PPT1: variants seen among roughly 807,000 people sequenced by gnomAD.
PPT1 encodes the protein palmitoyl-protein thioesterase 1, also known as ceroid-palmitoyl-palmitoyl-protein thioesterase 1.
In PPT1, 24 loss-of-function variants were observed where a neutral mutation model predicts 44.0. The observed-to-expected ratio is 0.54, with a 90% CI of 0.39 to 0.77. PPT1 has a LOEUF of 0.77. Among genes scored for constraint, PPT1 ranks in the 30% least tolerant of loss-of-function variants. The pLI is 0.00. For synonymous variants in PPT1, 148 were observed against 140.2 expected (o/e 1.06, Z -0.39); for missense variants, 341 against 378.8 (o/e 0.90, Z 0.83).
At chr1:40,076,604 T>C in intron 8 of PPT1, 1 of 1,346,558 alleles carries the variant, frequency 7.4e-7, no homozygotes, top group Non-Finnish European at 9.6e-7. Context: ...TCTTGTTGTT[T>C]GGAAACCATA....
intron 2 of PPT1, 65 bp downstream of exon 2, chr1:40,092,329 GCATT>G: frequency 6.5e-7 from 1 of 1,529,858 alleles, no homozygotes; most frequent in Non-Finnish European, 9.1e-7. Flanking sequence ...ACAAGGCAAA[GCATT>G]TTAACAGTAT....
chr1:40,073,761 G>T lies in PPT1; in HGVS notation c.*300C>A. 2.5e-6 allele frequency: 1 copy of T among 392,698 alleles called. No individual in the cohort carries two copies. The highest frequency in any genetic ancestry group is 4.8e-6 in the Non-Finnish European group (1 of 208,620). The allele number at this position is 392,698 out of a possible 1,614,324, so 24.3% of individuals were successfully genotyped here. ...TTAGTTAGTTGTCTCCTTTGGGCCT[G>T]GGCACAGTTCTGGCACTGATCTGGA... On this transcript the variant is annotated 3_prime_UTR_variant, in exon 9 of 9. Coordinates refer to ENST00000642050, the MANE Select transcript of PPT1 (RefSeq NM_000310.4).
At chr1:40,078,886 GTT>G in intron 6 of PPT1, 1 of 506,736 alleles carries the variant, frequency 2.0e-6, no homozygotes, top group Non-Finnish European at 3.8e-6. Flanking sequence ...TACATGTGTA[GTT>G]TTGTTATAAG....
chr1:40,078,926 G>A lies in PPT1; in HGVS notation c.628-268C>T, dbSNP rs1001766072. The A allele has an allele frequency of 2.6e-5, 11 of 430,106 alleles. No individual in the cohort carries two copies. In the Admixed American group the frequency reaches 2.9e-4, roughly 11 times the overall value. 26.6% of individuals were successfully genotyped at this position (430,106 alleles called of 1,614,324 possible). On this transcript the variant is annotated intron_variant, in intron 6 of 8. Transcript: ENST00000642050. ...TATATTGTGTGATGCTGAGGTTTGG[G>A]GTTCTGTTGATCCTTTCACCCAGAT... is the stretch of plus-strand genomic sequence containing the variant.
At chr1:40,078,691 T>C in intron 6 of PPT1, 33 bp from the exon 7 acceptor site, 2 of 1,548,642 alleles carry the variant, frequency 1.3e-6, no homozygotes, top group South Asian at 2.2e-5. Flanking sequence ...CTAAGGTCAT[T>C]ACCATCAGAC....
chr1:40,093,540 G>C (rs1371902759), intron 1 of PPT1, among the ~76,000 whole-genome samples: 1 of 152,102 alleles, frequency 6.6e-6, no homozygotes, highest in African/African-American at 2.4e-5. Context: ...AAAAACAGAA[G>C]AAAGAACATT....
intron 7 of PPT1, 62 bp downstream of exon 7, chr1:40,078,498 G>A (rs1468177829): frequency 3.0e-5 from 46 of 1,519,102 alleles, no homozygotes; most frequent in Non-Finnish European, 2.8e-5. Flanking sequence ...CACCGTGCCC[G>A]GCCAGCAGCC....
At position 40,087,366 on chromosome 1, in the gene PPT1, C is replaced by T. The variant is rs553932269; in HGVS notation, c.536+2044G>A. ...CAAGCAATTCTCTAGCCTCAGCCTC[C>T]GGAGTGGCTGAGACTACAGGTGTGC... On this transcript the variant is annotated intron_variant, in intron 5 of 8. Coordinates refer to ENST00000642050, the MANE Select transcript of PPT1 (RefSeq NM_000310.4). Among the ~76,000 whole-genome samples the T allele has an allele frequency of 6.3e-4, 96 of 152,060 alleles. 1 individual carries two copies. Among genetic ancestry groups the T allele is most frequent in the Non-Finnish European group, 1.2e-3 (80 of 68,008 alleles).
In PPT1 at chr1:40,097,212, G is replaced by A. The variant is rs765173260; in HGVS notation, c.27C>T (p.Leu9=). MASPGCLW[L]LAVALLPWTC... ...TCCATGGCAGGAGAGCCACAGCCAA[G>A]AGCCACAGGCAGCCGGGCGACGCCA... Residue 9 remains leucine (L), a synonymous_variant, in exon 1 of 9, where the codon CTC becomes CTT. Coordinates refer to ENST00000642050, the MANE Select transcript of PPT1 (RefSeq NM_000310.4). 1.1e-5 allele frequency: 17 copies of A among 1,614,026 alleles called. No individual in the cohort carries two copies. The highest frequency in any genetic ancestry group is 1.4e-5 in the Non-Finnish European group (17 of 1,179,930).
Position 40,080,393 on chromosome 1 carries a change from T to C in PPT1, c.627+4A>G, listed in dbSNP as rs572153728. 1,261 of 1,613,664 alleles carry C rather than the reference T, an allele frequency of 7.8e-4. 13 individuals are homozygous for C. The South Asian group carries it at 0.013, about 17-fold the overall frequency. The stretch of plus-strand genomic sequence containing the variant: ...ATCTATGGGAGCCCGGTTTGGGTGC[T>C]TACCCGCTCCTGATTTATATCTGCC... On this transcript the variant is annotated splice_donor_region_variant and intron_variant, in intron 6 of 8. Coordinates refer to ENST00000642050, the MANE Select transcript of PPT1 (RefSeq NM_000310.4).
chr1:40,081,494 G>A (rs1239579692), intron 5 of PPT1, among the ~76,000 whole-genome samples: 6 of 151,900 alleles, frequency 3.9e-5, no homozygotes, highest in African/African-American at 7.3e-5. Context: ...CCAAGATCAC[G>A]CCATTGCACT....
At chr1:40,096,114 T>C (rs1649827030) in intron 1 of PPT1, among the ~76,000 whole-genome samples, 1 of 151,914 alleles carries the variant, frequency 6.6e-6, no homozygotes, top group Admixed American at 6.5e-5. Flanking sequence ...ATGGCAACTG[T>C]CCTCATCTAC....
intron 1 of PPT1, chr1:40,093,908 A>G (rs934934868): frequency 9.3e-6 from 6 of 645,016 alleles, no homozygotes; most frequent in East Asian, 5.5e-5. Context: ...AAAAAAATCC[A>G]TATAGGCCAA....
In PPT1 at chr1:40,074,422, T is replaced by TCCC. The variant is rs1258605858; in HGVS notation, c.799-242_799-240dup. On this transcript the variant is annotated intron_variant, in intron 8 of 8. Transcript: ENST00000642050. ...TTCTTCTCTCCTCCCCCTCCTCCTGTCCCCCCCGCTTCTTCTTCTTCTTCC... is the reference window on the plus strand; with the variant it reads ...TTCTTCTCTCCTCCCCCTCCTCCTGTCCCCCCCCCCGCTTCTTCTTCTTCTTCC... Among the ~76,000 whole-genome samples, 494 of 107,984 alleles carry TCCC rather than the reference T, an allele frequency of 4.6e-3. 16 individuals carry two copies. Among genetic ancestry groups the TCCC allele is most frequent in the African/African-American group, 0.017 (465 of 26,864 alleles). The allele number at this position is 107,984 out of a possible 152,430, so 70.8% of individuals were successfully genotyped here.
chr1:40,090,408 G>A (rs1377312787), intron 4 of PPT1, among the ~76,000 whole-genome samples: 1 of 149,136 alleles, frequency 6.7e-6, no homozygotes, highest in Admixed American at 6.8e-5. Flanking sequence ...GTCTATATAT[G>A]TCTATGTATG....
chr1:40,078,581 A>G lies in PPT1; in HGVS notation c.705T>C (p.Ile235=), dbSNP rs1057515448. The change falls in exon 7 of 9, where the codon ATT becomes ATC. Residue 235 remains isoleucine (I), a synonymous_variant. Transcript: ENST00000642050. The part of the protein sequence containing the change: ...FVMVKFLNDS[I]VDPVDSEWFG... Reference sequence around the variant, plus strand: ...TCACCTCCGAATCTACAGGGTCCACAATGGAATCATTGAGGAATTTCACCA... The same window carrying G: ...TCACCTCCGAATCTACAGGGTCCACGATGGAATCATTGAGGAATTTCACCA... 6 of 1,613,976 alleles carry G rather than the reference A, an allele frequency of 3.7e-6. No homozygotes were observed. Among genetic ancestry groups the G allele is most frequent in the Middle Eastern group, 3.3e-4 (2 of 6,062 alleles).
chr1:40,081,040 A>G (rs1388167598), intron 5 of PPT1, among the ~76,000 whole-genome samples: 3 of 152,144 alleles, frequency 2.0e-5, no homozygotes, highest in Non-Finnish European at 4.4e-5. Context: ...GGACTCATCA[A>G]TATTTGCTTC....
chr1:40,077,034 G>A, intron 7 of PPT1, 121 bp from the exon 8 acceptor site: 1 of 1,237,888 alleles, frequency 8.1e-7, no homozygotes, highest in South Asian at 1.2e-5. Context: ...GCTGTAGGAA[G>A]AAGGAAAAAT....
At chr1:40,082,581 T>C (rs1387759631) in intron 5 of PPT1, among the ~76,000 whole-genome samples, 1 of 152,126 alleles carries the variant, frequency 6.6e-6, no homozygotes, top group Non-Finnish European at 1.5e-5. Flanking sequence ...CAAAGCCTAA[T>C]CCAGAGCAAC....
Sources: allele counts gnomAD v4.1 joint callset (sites outside exome capture counted in the v4.1 genomes callset), GRCh38; gene constraint gnomAD v4.1.1; transcripts MANE v1.5; gene names NCBI Gene and HGNC (gene_info 2026-07-23, HGNC 2026-07-21).